Variants in NECAB1 observed in about 807,000 individuals in gnomAD.
NECAB1 encodes the protein N-terminal EF-hand calcium-binding protein 1.
In NECAB1, 29 loss-of-function variants were observed where a neutral mutation model predicts 57.5. That is an observed-to-expected ratio of 0.50 (90% CI 0.38 to 0.69). The LOEUF (loss-of-function observed/expected upper bound fraction) is 0.69. Ranked by LOEUF, NECAB1 falls within the 30% of genes least tolerant of loss-of-function variation. The pLI is 0.00. For synonymous variants in NECAB1, 142 were observed against 147.7 expected (o/e 0.96, Z 0.28); for missense variants, 372 against 413.8 (o/e 0.90, Z 0.88).
chr8:90,826,205 T>A (rs1812222677), intron 3 of NECAB1, among the ~76,000 whole-genome samples: 1 of 151,894 alleles, frequency 6.6e-6, no homozygotes, highest in Non-Finnish European at 1.5e-5. Flanking sequence ...AGTAGTTTCT[T>A]ACTACTAAAG....
At chr8:90,866,055 T>C (rs576955789) in intron 3 of NECAB1, among the ~76,000 whole-genome samples, 7 of 152,288 alleles carry the variant, frequency 4.6e-5, no homozygotes, top group African/African-American at 1.2e-4. Flanking sequence ...TCAAAAATAT[T>C]TGCAAGGTCA....
At chr8:90,797,593 G>A (rs1182204855) in intron 1 of NECAB1, among the ~76,000 whole-genome samples, 1 of 152,072 alleles carries the variant, frequency 6.6e-6, no homozygotes, top group Middle Eastern at 3.2e-3. Context: ...ATCCTCAAGG[G>A]CCCCTTCCAA....
intron 3 of NECAB1, among the ~76,000 whole-genome samples, chr8:90,837,661 A>G (rs201200274): frequency 6.6e-6 from 1 of 152,314 alleles, no homozygotes; most frequent in East Asian, 1.9e-4. Flanking sequence ...GACAATTACA[A>G]TTTGACCTTT....
At chr8:90,944,014 A>G (rs76937026) in intron 10 of NECAB1, among the ~76,000 whole-genome samples, 1 of 152,224 alleles carries the variant, frequency 6.6e-6, no homozygotes, top group Admixed American at 6.5e-5. Flanking sequence ...GGCCTCCAAA[A>G]GTGCTGGGAT....
chr8:90,836,643 T>C (rs2129734178), intron 3 of NECAB1, among the ~76,000 whole-genome samples: 1 of 152,330 alleles, frequency 6.6e-6, no homozygotes, highest in East Asian at 1.9e-4. Flanking sequence ...TTTTATTTTG[T>C]TTGAATTGTG....
chr8:90,868,720 A>G (rs758271776), intron 3 of NECAB1, among the ~76,000 whole-genome samples: 3 of 152,228 alleles, frequency 2.0e-5, no homozygotes, highest in Admixed American at 6.5e-5. Flanking sequence ...TGAAACTTAT[A>G]TTTAAAAGGG....
chr8:90,795,053 TG>T (rs1811637805), intron 1 of NECAB1, among the ~76,000 whole-genome samples: 1 of 152,260 alleles, frequency 6.6e-6, no homozygotes, highest in South Asian at 2.1e-4. Flanking sequence ...AACTGGGTCC[TG>T]GCAACACATA....
At chr8:90,833,892 G>A (rs1812328901) in intron 3 of NECAB1, among the ~76,000 whole-genome samples, 1 of 152,204 alleles carries the variant, frequency 6.6e-6, no homozygotes, top group South Asian at 2.1e-4. Context: ...GCCAGGCGTG[G>A]TGGCTCACGC....
chr8:90,945,219 T>C (rs2130254657), intron 10 of NECAB1, among the ~76,000 whole-genome samples: 1 of 152,180 alleles, frequency 6.6e-6, no homozygotes, highest in African/African-American at 2.4e-5. Flanking sequence ...AGGTGCGTGC[T>C]GCCACACCCG....
In NECAB1 at chr8:90,919,934, G is replaced by A. The variant is rs1810062803; in HGVS notation, c.494+2306G>A. Among the ~76,000 whole-genome samples, 4 of 152,172 alleles carry A rather than the reference G, an allele frequency of 2.6e-5. No homozygotes were observed. In the South Asian group the frequency reaches 8.3e-4, roughly 32 times the overall value. ...TGTGCTCTGCATTTACCACCATGCT[G>A]TGAATGTTTAATGAACAACTGTTTT... is the stretch of plus-strand genomic sequence containing the variant. On this transcript the variant is annotated intron_variant, in intron 6 of 12. Coordinates refer to ENST00000417640, the MANE Select transcript of NECAB1 (RefSeq NM_022351.5).
At chr8:90,930,384 A>T (rs988291917) in intron 8 of NECAB1, among the ~76,000 whole-genome samples, 1 of 152,250 alleles carries the variant, frequency 6.6e-6, no homozygotes, top group Non-Finnish European at 1.5e-5. Context: ...AGGAAGAGAC[A>T]CATGAGAGAG....
In NECAB1 at chr8:90,926,554, T is replaced by C. The variant is rs538459088; in HGVS notation, c.616+898T>C. On this transcript the variant is annotated intron_variant, in intron 7 of 12. Transcript: ENST00000417640. ...AAATCTTGATGGTTACACCTGTAGA[T>C]ACTTGTTTTTCTCTCTCATGAGTCT... 6.6e-5 allele frequency among the ~76,000 whole-genome samples: 10 copies of C among 152,314 alleles called. No homozygotes were observed. In the South Asian group the frequency reaches 2.1e-3, roughly 32 times the overall value.
intron 5 of NECAB1, among the ~76,000 whole-genome samples, chr8:90,893,560 G>T (rs1809243977): frequency 6.6e-6 from 1 of 152,146 alleles, no homozygotes; most frequent in Non-Finnish European, 1.5e-5. Context: ...GGACTAGGGA[G>T]AACGTGAAAA....
intron 3 of NECAB1, among the ~76,000 whole-genome samples, chr8:90,847,503 A>G (rs915516344): frequency 1.3e-5 from 2 of 152,198 alleles, no homozygotes; most frequent in South Asian, 2.1e-4. Context: ...TCACAGCTCC[A>G]CTAGGCAGTG....
Position 90,959,179 on chromosome 8 carries a change from C to A in NECAB1, c.*3667C>A. On this transcript the variant is annotated 3_prime_UTR_variant, in exon 13 of 13. Coordinates refer to ENST00000417640, the MANE Select transcript of NECAB1 (RefSeq NM_022351.5). ...AAACTATTAAAGTAACTAGAACTGT[C>A]AAATAACAAAACGGCTCATGTTTTT... The A allele has an allele frequency of 2.0e-5, 8 of 407,260 alleles. No homozygotes were observed. Among genetic ancestry groups the A allele is most frequent in the Non-Finnish European group, 8.7e-6 (2 of 230,718 alleles). 25.2% of individuals were successfully genotyped at this position (407,260 alleles called of 1,614,324 possible). A position where few individuals can be genotyped will look rare whatever the true frequency, so the allele number is the denominator to read the frequency against.
chr8:90,917,639 T>A lies in NECAB1; in HGVS notation c.494+11T>A, dbSNP rs747391720. 5.0e-6 allele frequency: 8 copies of A among 1,602,604 alleles called. No homozygotes were observed. Among genetic ancestry groups the A allele is most frequent in the Non-Finnish European group, 6.8e-6 (8 of 1,173,594 alleles). ...AACCCGTCAAGAAAGGCAATTTACA[T>A]GTTTTCATCTGATGTCTATTTAGTG... is the stretch of plus-strand genomic sequence containing the variant. On this transcript the variant is annotated intron_variant, in intron 6 of 12. Coordinates refer to ENST00000417640, the MANE Select transcript of NECAB1 (RefSeq NM_022351.5).
chr8:90,806,961 A>G (rs1001386760), intron 2 of NECAB1, among the ~76,000 whole-genome samples: 1 of 152,172 alleles, frequency 6.6e-6, no homozygotes, highest in Non-Finnish European at 1.5e-5. Flanking sequence ...TAGTGAACCC[A>G]GGTCTATTTC....
At chr8:90,926,705 G>GCT (rs1563537531) in intron 7 of NECAB1, among the ~76,000 whole-genome samples, 1 of 152,120 alleles carries the variant, frequency 6.6e-6, no homozygotes, top group Non-Finnish European at 1.5e-5. Flanking sequence ...TCTTCTCCTA[G>GCT]TGGGTGTCAG....
chr8:90,813,188 A>C (rs1811994540), intron 2 of NECAB1: 1 of 150,092 alleles, frequency 6.7e-6, no homozygotes, highest in African/African-American at 2.5e-5. Flanking sequence ...ACTCCGTCTC[A>C]AAATAATAAA....
Sources: allele counts gnomAD v4.1 joint callset (sites outside exome capture counted in the v4.1 genomes callset), GRCh38; gene constraint gnomAD v4.1.1; transcripts MANE v1.5; gene names NCBI Gene and HGNC (gene_info 2026-07-23, HGNC 2026-07-21).